The following IGSF9B variants were observed in gnomAD, a reference collection of about 807,000 sequenced individuals.
IGSF9B encodes immunoglobulin superfamily member 9B, also known as protein turtle homolog B.
In IGSF9B, 48 loss-of-function variants were observed where a neutral mutation model predicts 143.7. The ratio of observed to expected loss-of-function variants is 0.33; its 90% confidence interval spans 0.26 to 0.42. The LOEUF (loss-of-function observed/expected upper bound fraction) is 0.42, where lower values mean the gene tolerates loss of function less well. Ranked by LOEUF, IGSF9B falls within the 20% of genes least tolerant of loss-of-function variation. The pLI, the probability that IGSF9B is intolerant of heterozygous loss-of-function variation, is 1.00. For synonymous variants in IGSF9B, 903 were observed against 833.1 expected, an observed-to-expected ratio of 1.08 and a Z score of -1.44; for missense variants, 1,706 against 1,980.0, an observed-to-expected ratio of 0.86 and a Z score of 2.63.
At chr11:133,938,957 T>A (rs534077002) in intron 3 of IGSF9B, among the ~76,000 whole-genome samples, 1 of 152,212 alleles carries the variant, frequency 6.6e-6, no homozygotes, top group African/African-American at 2.4e-5. Flanking sequence ...CAGTTGCCAG[T>A]ACCACCGCCA....
chr11:133,922,834 C>G, intron 15 of IGSF9B, 104 bp from the exon 16 acceptor site: 2 of 1,142,816 alleles, frequency 1.8e-6, no homozygotes, highest in Non-Finnish European at 2.4e-6. Context: ...GTAGAACAGA[C>G]AGTGTCAAGG....
At position 133,900,942 on chromosome 11, in the gene IGSF9B, C is replaced by G. The variant is rs959409155; in HGVS notation, c.*8127G>C. The stretch of plus-strand genomic sequence containing the variant: ...CCGTAGGTCCCTAGGTAGTCTCAAC[C>G]ACCCCCTTTCTAATGCTGTGAAGCC... On this transcript the variant is annotated 3_prime_UTR_variant, in exon 20 of 20. Coordinates refer to ENST00000533871, the MANE Select transcript of IGSF9B (RefSeq NM_001277285.4). 1 of 152,192 alleles carries G rather than the reference C, an allele frequency of 6.6e-6. No homozygotes were observed. The highest frequency in any genetic ancestry group is 2.4e-5 in the African/African-American group (1 of 41,434). 9.4% of individuals were successfully genotyped at this position (152,192 alleles called of 1,614,324 possible).
Position 133,946,102 on chromosome 11 carries a change from T to C in IGSF9B, c.221A>G (p.Lys74Arg), listed in dbSNP as rs755531136. The C allele has an allele frequency of 8.7e-6, 14 of 1,605,190 alleles. No homozygotes were observed. Among genetic ancestry groups the C allele is most frequent in the African/African-American group, 5.4e-5 (4 of 74,686 alleles). ...CACGTGCGGCGGGTAGTAGCCAAAC[T>C]TGATGAAGATAGGGATGGGGACCCC... ...KFGVPIPIFI[K>R]FGYYPPHVDP... The change falls in exon 2 of 20, where the codon AAG becomes AGG. Residue 74 changes from lysine to arginine, a missense_variant. Lys to Arg is a conservative substitution (Grantham distance 26, BLOSUM62 2). Transcript: ENST00000533871.
chr11:133,907,020 G>A lies in IGSF9B; in HGVS notation c.*2049C>T, dbSNP rs1939220038. On this transcript the variant is annotated 3_prime_UTR_variant, in exon 20 of 20. Coordinates refer to ENST00000533871, the MANE Select transcript of IGSF9B (RefSeq NM_001277285.4). Reference sequence around the variant, plus strand: ...AAAGAGTTGTGTGCTCTTCCATCTCGCAGAGCTGGTGCCCAGTGGTCAAGT... The same window carrying A: ...AAAGAGTTGTGTGCTCTTCCATCTCACAGAGCTGGTGCCCAGTGGTCAAGT... 1.3e-5 allele frequency among the ~76,000 whole-genome samples: 2 copies of A among 152,254 alleles called. No individual in the cohort carries two copies. Among genetic ancestry groups the A allele is most frequent in the Middle Eastern group, 3.4e-3 (1 of 294 alleles).
chr11:133,955,220 G>A (rs926408307), intron 1 of IGSF9B, among the ~76,000 whole-genome samples: 2 of 152,102 alleles, frequency 1.3e-5, no homozygotes, highest in African/African-American at 2.4e-5. Flanking sequence ...AGCGCAGCCC[G>A]ATGCACCTCA....
At position 133,901,735 on chromosome 11, in the gene IGSF9B, T is replaced by C. The variant is rs925732241; in HGVS notation, c.*7334A>G. On this transcript the variant is annotated 3_prime_UTR_variant, in exon 20 of 20. Transcript: ENST00000533871. ...AGCAAAAGAGCCAAACAAAGGAGGG[T>C]CTCCTGGGCCTGACACTACGCAGGC... 7.2e-5 allele frequency: 11 copies of C among 151,808 alleles called. No homozygotes were observed. Among genetic ancestry groups the C allele is most frequent in the African/African-American group, 2.4e-4 (10 of 41,250 alleles). The allele number at this position is 151,808 out of a possible 1,614,324, so 9.4% of individuals were successfully genotyped here. A position where few individuals can be genotyped will look rare whatever the true frequency, so the allele number is the denominator to read the frequency against.
In IGSF9B at chr11:133,945,219, C is replaced by T. The variant is rs1219313752; in HGVS notation, c.262+842G>A. Among the ~76,000 whole-genome samples the T allele has an allele frequency of 6.6e-6, 1 of 152,220 alleles. No individual in the cohort carries two copies. The highest frequency in any genetic ancestry group is 6.5e-5 in the Admixed American group (1 of 15,282). ...CCCCTCACCGCAGCCAATATCACCA[C>T]ACCTCTGCTCTCCTCCTCGTCCTGA... On this transcript the variant is annotated intron_variant, in intron 2 of 19. Transcript: ENST00000533871. The surrounding 1 kb of genome is among the most constrained non-coding windows in gnomAD (Gnocchi z 4.6).
Position 133,903,924 on chromosome 11 carries a change from A to G in IGSF9B, c.*5145T>C, listed in dbSNP as rs921606496. On this transcript the variant is annotated 3_prime_UTR_variant, in exon 20 of 20. Coordinates refer to ENST00000533871, the MANE Select transcript of IGSF9B (RefSeq NM_001277285.4). The stretch of plus-strand genomic sequence containing the variant: ...CTTGGTTTACTGACTTCTTCTAAAG[A>G]AGAGATTTTTCATTCTGCCTCTTAA... Among the ~76,000 whole-genome samples the G allele has an allele frequency of 3.9e-5, 6 of 152,274 alleles. No individual in the cohort carries two copies. The highest frequency in any genetic ancestry group is 1.4e-4 in the African/African-American group (6 of 41,552).
intron 7 of IGSF9B, 46 bp from the exon 8 acceptor site, chr11:133,932,259 G>T: frequency 6.7e-7 from 1 of 1,486,370 alleles, no homozygotes. Flanking sequence ...ACAGACACAG[G>T]GACAGACAGA....
At chr11:133,940,297 C>CTCGCACGCGTCA (rs1939918410) in intron 3 of IGSF9B, among the ~76,000 whole-genome samples, 1 of 138,206 alleles carries the variant, frequency 7.2e-6, no homozygotes, top group South Asian at 2.4e-4. Flanking sequence ...CTCGCACGTC[C>CTCGCACGCGTCA]TCGCACGCGT....
In IGSF9B at chr11:133,946,164, T is replaced by C. The variant is rs1030876808; in HGVS notation, c.159A>G (p.Gly53=). The C allele has an allele frequency of 6.2e-7, 1 of 1,613,288 alleles. No individual in the cohort carries two copies. The highest frequency in any genetic ancestry group is 1.3e-5 in the African/African-American group (1 of 74,874). Residue 53 remains glycine, a synonymous_variant, in exon 2 of 20, where the codon GGA becomes GGG. Coordinates refer to ENST00000533871, the MANE Select transcript of IGSF9B (RefSeq NM_001277285.4). ...ACTCTACGACATAGGGTGGGGGCTG[T>C]CCCGTCACTGGGTGGATCACGTCGC... is the stretch of plus-strand genomic sequence containing the variant. ...LRCDVIHPVT[G]QPPPYVVEWF... is the part of the protein sequence containing the mutation.
chr11:133,920,921 C>T lies in IGSF9B; in HGVS notation c.2804G>A (p.Arg935His), dbSNP rs373053404. 121 of 1,609,452 alleles carry T rather than the reference C, an allele frequency of 7.5e-5. No homozygotes were observed. The African/African-American group carries it at 1.2e-3, about 16-fold the overall frequency. Residue 935 changes from arginine (R) to histidine (H), a missense_variant, in exon 18 of 20, where the codon CGC becomes CAC. Around this residue, in one of 7 missense-constraint regions of IGSF9B, gnomAD observed 880 missense variants for 762.9 expected, o/e 1.15. Transcript: ENST00000533871. ...CAGGCCACCGGGGCCCTCCAGCCCG[C>T]GGGGCTGGAACCGAGGGCTGTATGC... ...PPAYSPRFQP[R>H]GLEGPGGLEG... is the part of the protein sequence containing the mutation.
chr11:133,922,745 G>A lies in IGSF9B; in HGVS notation c.2120-15C>T. The stretch of plus-strand genomic sequence containing the variant: ...CGGGAAGATGTCTGCAGGGAGGGTG[G>A]GGAGCACTCATGAGCCCATCCTTCC... On this transcript the variant is annotated splice_polypyrimidine_tract_variant and intron_variant, in intron 15 of 19. Coordinates refer to ENST00000533871, the MANE Select transcript of IGSF9B (RefSeq NM_001277285.4). The A allele has an allele frequency of 6.5e-7, 1 of 1,550,178 alleles. No individual in the cohort carries two copies. The highest frequency in any genetic ancestry group is 8.7e-7 in the Non-Finnish European group (1 of 1,150,852).
intron 3 of IGSF9B, among the ~76,000 whole-genome samples, chr11:133,940,677 G>A (rs1042340151): frequency 1.0e-4 from 14 of 133,952 alleles, no homozygotes; most frequent in African/African-American, 2.0e-4. Flanking sequence ...GCACGTCCTC[G>A]CACGTGTCAT....
rs138650026 is a variant in IGSF9B, at chr11:133,914,195, A to G, written c.3984-2188T>C. Among the ~76,000 whole-genome samples, 287 of 152,308 alleles carry G rather than the reference A, an allele frequency of 1.9e-3. 2 individuals carry two copies. The highest frequency in any genetic ancestry group is 6.6e-3 in the African/African-American group (275 of 41,560). On this transcript the variant is annotated intron_variant, in intron 18 of 19. Coordinates refer to ENST00000533871, the MANE Select transcript of IGSF9B (RefSeq NM_001277285.4). ...CTGTAATCTCTACAGCAAACCTAAG[A>G]GGTAGATACTACAATGCCCCCATTT... is the stretch of plus-strand genomic sequence containing the variant.
chr11:133,951,022 C>T (rs1282130431), intron 1 of IGSF9B, among the ~76,000 whole-genome samples: 1 of 152,140 alleles, frequency 6.6e-6, no homozygotes, highest in Non-Finnish European at 1.5e-5. Context: ...CCAATAGTCC[C>T]CCAACCCCTC....
chr11:133,904,758 GC>G lies in IGSF9B; in HGVS notation c.*4310del, dbSNP rs1455414552. Among the ~76,000 whole-genome samples, 1 of 151,676 alleles carries G rather than the reference GC, an allele frequency of 6.6e-6. No homozygotes were observed. Among genetic ancestry groups the G allele is most frequent in the Non-Finnish European group, 1.5e-5 (1 of 67,942 alleles). ...ACCCATGCCTGACCTCACCCTCTGT[GC>G]CCCTTCCAGCCTCACCAACACCTGG... On this transcript the variant is annotated 3_prime_UTR_variant, in exon 20 of 20. Transcript: ENST00000533871.
rs889352526 is a variant in IGSF9B at position 133,899,070 on chromosome 11, A to G, written c.*9999T>C. ...TCCCTATTCCCGACTCTTGCTCTAT[A>G]TAGTAGACAGAGGTAGCAAGACAGA... On this transcript the variant is annotated 3_prime_UTR_variant, in exon 20 of 20. Coordinates refer to ENST00000533871, the MANE Select transcript of IGSF9B (RefSeq NM_001277285.4). 1.3e-5 allele frequency: 2 copies of G among 152,256 alleles called. No homozygotes were observed. The highest frequency in any genetic ancestry group is 4.8e-5 in the African/African-American group (2 of 41,448). 9.4% of individuals were successfully genotyped at this position (152,256 alleles called of 1,614,324 possible).
intron 18 of IGSF9B, among the ~76,000 whole-genome samples, chr11:133,914,388 C>T (rs1939345906): frequency 6.6e-6 from 1 of 152,156 alleles, no homozygotes; most frequent in African/African-American, 2.4e-5. Context: ...AGCATGGCAT[C>T]CCCGCCACAC....
Sources: gnomAD v4.1 joint callset for allele counts (sites outside exome capture counted in the v4.1 genomes callset) on GRCh38, gnomAD v4.1.1 for gene constraint, gnomAD v4.1.1 regional missense constraint, Gnocchi (gnomAD v3.1) non-coding constraint, MANE v1.5 for transcripts, NCBI Gene and HGNC (gene_info 2026-07-23, HGNC 2026-07-21) for gene names.